The following KIRREL2 variants were observed in gnomAD, a reference collection of about 807,000 sequenced individuals.
The protein encoded by KIRREL2 is kirre like nephrin family adhesion molecule 2.
A neutral mutation model predicts 73.4 loss-of-function variants in KIRREL2; 56 were observed. The observed-to-expected ratio is 0.76, with a 90% CI of 0.62 to 0.95. The LOEUF (loss-of-function observed/expected upper bound fraction) is 0.95, where lower values mean the gene tolerates loss of function less well. KIRREL2 is among the 40% of genes least tolerant of loss of function. The pLI is 0.00. For synonymous variants in KIRREL2, 407 were observed against 404.0 expected, an observed-to-expected ratio of 1.01 and a Z score of -0.09; for missense variants, 896 against 935.0, an observed-to-expected ratio of 0.96 and a Z score of 0.54.
upstream of KIRREL2, among the ~76,000 whole-genome samples, chr19:35,855,405 G>T (rs945814170): frequency 3.9e-5 from 6 of 151,964 alleles, no homozygotes; most frequent in Admixed American, 3.9e-4. Flanking sequence ...GAGCCAGGAA[G>T]GGGAAGCGGC....
In KIRREL2 at chr19:35,860,983, T is replaced by C. The variant is rs891646141; in HGVS notation, c.1003T>C (p.Trp335Arg). Residue 335 changes from tryptophan to arginine, a missense_variant, in exon 8 of 15, where the codon TGG becomes CGG. Coordinates refer to ENST00000360202, the MANE Select transcript of KIRREL2 (RefSeq NM_199180.4). Reference sequence around the variant, plus strand: ...GGAAGACGCTTCCTTCAGCTGCGCCTGGCGCGGGAACCCGCTTCCACGGGT... The same window carrying C: ...GGAAGACGCTTCCTTCAGCTGCGCCCGGCGCGGGAACCCGCTTCCACGGGT... ...VGEDASFSCAWRGNPLPRVTW... is the reference protein window; with the variant it reads ...VGEDASFSCARRGNPLPRVTW... The C allele has an allele frequency of 2.7e-5, 43 of 1,613,336 alleles. No homozygotes were observed. The highest frequency in any genetic ancestry group is 1.6e-4 in the Middle Eastern group (1 of 6,080).
chr19:35,851,810 A>G (rs1476925013), upstream of KIRREL2: 1 of 1,552,850 alleles, frequency 6.4e-7, no homozygotes, highest in Non-Finnish European at 8.7e-7. Flanking sequence ...AGCAGGAGAG[A>G]AGCCCTGAGC....
chr19:35,858,398 C>A lies in KIRREL2; in HGVS notation c.212-10C>A. Reference sequence around the variant, plus strand: ...CCATGGTGTGCTGACTGCCTTCTCCCTGACTCCAGGGTGGTCCCGGTACTG... The same window carrying A: ...CCATGGTGTGCTGACTGCCTTCTCCATGACTCCAGGGTGGTCCCGGTACTG... On this transcript the variant is annotated splice_polypyrimidine_tract_variant and intron_variant, in intron 2 of 14. Transcript: ENST00000360202. 6.2e-7 allele frequency: 1 copy of A among 1,609,402 alleles called. No individual in the cohort carries two copies.
upstream of KIRREL2, among the ~76,000 whole-genome samples, chr19:35,854,917 A>G: frequency 6.6e-6 from 1 of 151,948 alleles, no homozygotes; most frequent in Non-Finnish European, 1.5e-5. Flanking sequence ...GGATTTTATA[A>G]CCATATGCTG....
At chr19:35,860,208 G>A in intron 5 of KIRREL2, 89 bp from the exon 6 acceptor site, 1 of 1,086,198 alleles carries the variant, frequency 9.2e-7, no homozygotes, top group East Asian at 2.4e-5. Flanking sequence ...CCAGACTCCT[G>A]GGATGGAGGA....
chr19:35,857,349 G>A lies in KIRREL2; in HGVS notation c.66G>A (p.Pro22=), dbSNP rs191016034. 9.2e-5 allele frequency: 148 copies of A among 1,612,424 alleles called. No individual in the cohort carries two copies. The East Asian group carries it at 1.5e-3, about 16-fold the overall frequency. The change falls in exon 2 of 15, where the codon CCG becomes CCA. Residue 22 remains proline (P), a synonymous_variant. Transcript: ENST00000360202. ...LLFCFRGRAG[P]SPHFLQQPED... is the part of the protein sequence containing the mutation. ...TGCTGCCCCGAACTCTCCTAGGCCCGTCGCCCCATTTCCTGCAACAGCCAG... is the reference window on the plus strand; with the variant it reads ...TGCTGCCCCGAACTCTCCTAGGCCCATCGCCCCATTTCCTGCAACAGCCAG...
At chr19:35,861,068 G>A (rs1034099760) in intron 8 of KIRREL2, 32 bp downstream of exon 8, 2 of 1,606,352 alleles carry the variant, frequency 1.2e-6, no homozygotes, top group Admixed American at 1.7e-5. Flanking sequence ...GGTGGCTGGA[G>A]GGGGACCAGG....
Position 35,863,005 on chromosome 19 carries a change from A to T in KIRREL2, c.1694A>T (p.Glu565Val). 6.3e-7 allele frequency: 1 copy of T among 1,591,222 alleles called. No homozygotes were observed. Among genetic ancestry groups the T allele is most frequent in the South Asian group, 1.1e-5 (1 of 87,148 alleles). The change falls in exon 13 of 15, where the codon GAA (glutamate) becomes GTA (valine). Residue 565 changes from glutamate to valine, a missense_variant. Physicochemically the swap from Glu to Val is moderately radical, Grantham distance 121. Transcript: ENST00000360202. Reference sequence around the variant, plus strand: ...GACGGCTCCAGTTCACGAGGTCCTGAAGAAGAGGAGACAGGCAGCCGCGAG... The same window carrying T: ...GACGGCTCCAGTTCACGAGGTCCTGTAGAAGAGGAGACAGGCAGCCGCGAG... The part of the protein sequence containing the change: ...SSDGSSSRGP[E>V]EEETGSREDR...
chr19:35,854,446 C>G (rs1230790778), upstream of KIRREL2, among the ~76,000 whole-genome samples: 2 of 151,784 alleles, frequency 1.3e-5, no homozygotes, highest in African/African-American at 2.4e-5. Context: ...CTCAGCCTCC[C>G]TAGTAGCTGG....
At position 35,860,626 on chromosome 19, in the gene KIRREL2, C is replaced by CCGTG. The variant is rs1295249581; in HGVS notation, c.888_891dup (p.Gly298ArgfsTer3). 6.2e-7 allele frequency: 1 copy of CCGTG among 1,603,544 alleles called. No individual in the cohort carries two copies. The highest frequency in any genetic ancestry group is 1.3e-5 in the African/African-American group (1 of 74,984). On this transcript the variant is annotated frameshift_variant, in exon 7 of 15. Coordinates refer to ENST00000360202, the MANE Select transcript of KIRREL2 (RefSeq NM_199180.4). LOFTEE classifies it high-confidence loss of function. ...CCCGTGTCCTGCGAGGTCAGCAACGCCGTGGGTAGCGCCAACCGCAGTACT... is the reference window on the plus strand; with the variant it reads ...CCCGTGTCCTGCGAGGTCAGCAACGCCGTGCGTGGGTAGCGCCAACCGCAGTACT...
intron 4 of KIRREL2, 106 bp from the exon 5 acceptor site, chr19:35,859,375 T>C: frequency 1.1e-6 from 1 of 942,284 alleles, no homozygotes; most frequent in Non-Finnish European, 1.6e-6. Context: ...TTAGTGTTAG[T>C]ATGTGTGGCC....
In KIRREL2 at chr19:35,857,115, G is replaced by A. The variant is rs779376159; in HGVS notation, c.-5G>A. ...ACGGCAAATCTCGTGAACCTTGGGGGACGAATGCTCAGGATGCGGGTCCCC... is the reference window on the plus strand; with the variant it reads ...ACGGCAAATCTCGTGAACCTTGGGGAACGAATGCTCAGGATGCGGGTCCCC... On this transcript the variant is annotated 5_prime_UTR_variant, in exon 1 of 15. Coordinates refer to ENST00000360202, the MANE Select transcript of KIRREL2 (RefSeq NM_199180.4). The A allele has an allele frequency of 6.2e-7, 1 of 1,613,790 alleles. No homozygotes were observed. Among genetic ancestry groups the A allele is most frequent in the South Asian group, 1.1e-5 (1 of 91,076 alleles).
intron 7 of KIRREL2, 95 bp from the exon 8 acceptor site, chr19:35,860,814 C>T (rs775792882): frequency 1.3e-5 from 21 of 1,597,322 alleles, no homozygotes; most frequent in South Asian, 2.2e-5. Flanking sequence ...TATTCTTGCG[C>T]CCTAGAGGGT....
intron 10 of KIRREL2, 27 bp from the exon 11 acceptor site, chr19:35,861,778 C>G: frequency 6.3e-7 from 1 of 1,588,280 alleles, no homozygotes; most frequent in Non-Finnish European, 8.6e-7. Flanking sequence ...CAGTCTCCTC[C>G]GTGTCCTCCC....
At chr19:35,859,353 C>T in intron 4 of KIRREL2, 128 bp from the exon 5 acceptor site, 1 of 778,930 alleles carries the variant, frequency 1.3e-6, no homozygotes, top group South Asian at 2.1e-5. Flanking sequence ...TTTTTTAGCT[C>T]ATCAGCTATC....
Position 35,863,035 on chromosome 19 carries a change from G to A in KIRREL2, c.1724G>A (p.Arg575Gln), listed in dbSNP as rs755155461. Reference protein sequence around the residue: ...EEEETGSREDRGPIVHTDHSD... With the variant: ...EEEETGSREDQGPIVHTDHSD... ...GAGGAGACAGGCAGCCGCGAGGACC[G>A]GGTAGGATGCCAGGGTCCCCAGACC... Residue 575 changes from arginine to glutamine, a missense_variant and splice_region_variant, in exon 13 of 15, where the codon CGG becomes CAG. By Grantham distance (43) the Arg-to-Gln change is conservative. Transcript: ENST00000360202. 8 of 1,551,064 alleles carry A rather than the reference G, an allele frequency of 5.2e-6. No homozygotes were observed. The highest frequency in any genetic ancestry group is 2.3e-5 in the South Asian group (2 of 85,304).
chr19:35,859,479 A>G lies in KIRREL2; in HGVS notation c.523-2A>G. 1.2e-6 allele frequency: 2 copies of G among 1,613,826 alleles called. No homozygotes were observed. The highest frequency in any genetic ancestry group is 1.1e-5 in the South Asian group (1 of 91,068). On this transcript the variant is annotated splice_acceptor_variant, in intron 4 of 14. Transcript: ENST00000360202. LOFTEE classifies it high-confidence loss of function. Reference sequence around the variant, plus strand: ...CATTATTATTCTTATCCTTCCCTCCAGACCCTGCTGAAGGAAGGGACCCCT... The same window carrying G: ...CATTATTATTCTTATCCTTCCCTCCGGACCCTGCTGAAGGAAGGGACCCCT...
At chr19:35,860,051 G>T (rs1439133533) in intron 5 of KIRREL2, among the ~76,000 whole-genome samples, 1 of 152,112 alleles carries the variant, frequency 6.6e-6, no homozygotes, top group African/African-American at 2.4e-5. Flanking sequence ...CAGACAGCTG[G>T]GGTCCCTGGG....
chr19:35,857,207 A>ATTT, intron 1 of KIRREL2, 27 bp downstream of exon 1: 1 of 494,430 alleles, frequency 2.0e-6, no homozygotes, highest in Non-Finnish European at 3.8e-6. Flanking sequence ...GCGGAGGAAT[A>ATTT]TGGGGTGGGG....
Sources: allele counts gnomAD v4.1 joint callset (sites outside exome capture counted in the v4.1 genomes callset), GRCh38; gene constraint gnomAD v4.1.1; transcripts MANE v1.5; gene names NCBI Gene and HGNC (gene_info 2026-07-23, HGNC 2026-07-21).